KCNIP4: variants seen among roughly 807,000 people sequenced by gnomAD.
The protein encoded by KCNIP4 is Kv channel-interacting protein 4.
KCNIP4 carries 12 observed loss-of-function variants against 34.0 expected under a neutral mutation model. That is an observed-to-expected ratio of 0.35 (90% CI 0.23 to 0.57). The LOEUF is 0.57. Among genes scored for constraint, KCNIP4 ranks in the 20% least tolerant of loss-of-function variants. KCNIP4 has a pLI of 0.83. For synonymous variants in KCNIP4, 124 were observed against 102.2 expected (o/e 1.21, Z -1.29); for missense variants, 238 against 311.7 (o/e 0.76, Z 1.78).
chr4:20,729,872 C>G lies in KCNIP4; in HGVS notation c.*210G>C. ...CAGAGTATGAAATGAGTTAGACCAT[C>G]CCCTGAACTCAGTGGCATTATGAAA... On this transcript the variant is annotated 3_prime_UTR_variant, in exon 9 of 9. Transcript: ENST00000382152. 1 of 464,870 alleles carries G rather than the reference C, an allele frequency of 2.2e-6. No homozygotes were observed. The highest frequency in any genetic ancestry group is 3.4e-5 in the East Asian group (1 of 29,324). The allele number at this position is 464,870 out of a possible 1,614,324, so 28.8% of individuals were successfully genotyped here.
At chr4:21,658,946 T>G (rs1427909528) in intron 1 of KCNIP4, among the ~76,000 whole-genome samples, 2 of 152,212 alleles carry the variant, frequency 1.3e-5, no homozygotes, top group African/African-American at 4.8e-5. Context: ...AATTTTAAAG[T>G]CAGTTTGCCA....
At chr4:21,101,547 G>A (rs1747940488) in intron 1 of KCNIP4, among the ~76,000 whole-genome samples, 1 of 152,060 alleles carries the variant, frequency 6.6e-6, no homozygotes, top group Non-Finnish European at 1.5e-5. Context: ...ATCCAAAGAA[G>A]GGCAGATATG....
intron 3 of KCNIP4, among the ~76,000 whole-genome samples, chr4:20,801,062 C>A (rs971540244): frequency 2.0e-5 from 3 of 152,122 alleles, no homozygotes; most frequent in Non-Finnish European, 2.9e-5. Context: ...ACAAGGGAAT[C>A]TCCATTAGAA....
Position 21,329,928 on chromosome 4 carries a change from A to G in KCNIP4, c.62-447219T>C, listed in dbSNP as rs374995659. Among the ~76,000 whole-genome samples the G allele has an allele frequency of 4.4e-3, 666 of 152,318 alleles. 6 individuals are homozygous for G. The highest frequency in any genetic ancestry group is 0.015 in the African/African-American group (631 of 41,590). On this transcript the variant is annotated intron_variant, in intron 1 of 8. Coordinates refer to ENST00000382152, the MANE Select transcript of KCNIP4 (RefSeq NM_025221.6). Reference sequence around the variant, plus strand: ...TCTACCAGCTTGTCAGTATAAATTGAGATGAGCTCAAGGCCTCCTTAAGTA... The same window carrying G: ...TCTACCAGCTTGTCAGTATAAATTGGGATGAGCTCAAGGCCTCCTTAAGTA...
chr4:21,195,548 A>G (rs1156686650), intron 1 of KCNIP4, among the ~76,000 whole-genome samples: 1 of 152,230 alleles, frequency 6.6e-6, no homozygotes, highest in Non-Finnish European at 1.5e-5. Context: ...GTTTTATGCC[A>G]TTGGATCTTC....
At chr4:21,557,098 G>A (rs1739128550) in intron 1 of KCNIP4, among the ~76,000 whole-genome samples, 1 of 151,958 alleles carries the variant, frequency 6.6e-6, no homozygotes, top group African/African-American at 2.4e-5. Flanking sequence ...TTCCAGTAGT[G>A]GGTACCATGT....
intron 1 of KCNIP4, among the ~76,000 whole-genome samples, chr4:21,811,088 A>G (rs565656445): frequency 1.8e-4 from 27 of 152,334 alleles, no homozygotes; most frequent in African/African-American, 6.3e-4. Context: ...CATTTACCAC[A>G]TGCTTGACTT....
chr4:21,916,104 T>C (rs2108989230), intron 1 of KCNIP4, among the ~76,000 whole-genome samples: 1 of 152,348 alleles, frequency 6.6e-6, no homozygotes, highest in Admixed American at 6.5e-5. Flanking sequence ...CTTCTCATCC[T>C]CACTGGACCA....
intron 1 of KCNIP4, among the ~76,000 whole-genome samples, chr4:21,286,708 GT>G (rs1560254210): frequency 6.6e-6 from 1 of 152,106 alleles, no homozygotes; most frequent in African/African-American, 2.4e-5. Flanking sequence ...ATTTTCACAA[GT>G]TTTTCAGGAT....
chr4:20,879,963 ACT>A (rs915859089), intron 2 of KCNIP4, among the ~76,000 whole-genome samples: 7 of 152,266 alleles, frequency 4.6e-5, no homozygotes, highest in Admixed American at 3.3e-4. Flanking sequence ...AAAGAGGAAA[ACT>A]CTAAATATCC....
intron 1 of KCNIP4, among the ~76,000 whole-genome samples, chr4:21,366,854 C>T (rs1385326244): frequency 6.6e-6 from 1 of 152,010 alleles, no homozygotes; most frequent in Non-Finnish European, 1.5e-5. Context: ...GTCAATTATG[C>T]ACTAAAAATG....
At chr4:20,888,355 C>G (rs947644644) in intron 1 of KCNIP4, among the ~76,000 whole-genome samples, 1 of 152,116 alleles carries the variant, frequency 6.6e-6, no homozygotes, top group Non-Finnish European at 1.5e-5. Context: ...TGAAATCAGA[C>G]TATATATCTT....
chr4:21,107,175 T>G (rs1400259241), intron 1 of KCNIP4, among the ~76,000 whole-genome samples: 5 of 147,424 alleles, frequency 3.4e-5, no homozygotes, highest in African/African-American at 1.3e-4. Flanking sequence ...GTCTCATTGA[T>G]CTGTCTAATG....
chr4:21,823,407 T>A, intron 1 of KCNIP4, among the ~76,000 whole-genome samples: 1 of 151,954 alleles, frequency 6.6e-6, no homozygotes, highest in East Asian at 1.9e-4. Flanking sequence ...TATTATTCAA[T>A]TTTAAAAAAA....
At chr4:21,181,774 A>G (rs1754861022) in intron 1 of KCNIP4, among the ~76,000 whole-genome samples, 1 of 152,148 alleles carries the variant, frequency 6.6e-6, no homozygotes, top group African/African-American at 2.4e-5. Context: ...CCATTACTAC[A>G]GATACTGTAA....
intron 1 of KCNIP4, among the ~76,000 whole-genome samples, chr4:21,762,403 T>C (rs10014405): frequency 0.012 from 1,888 of 152,258 alleles, 31 homozygotes; most frequent in African/African-American, 0.042. Context: ...CAAAGAAGAT[T>C]AGAAATTGTT....
At chr4:20,735,941 T>A (rs981740871) in intron 5 of KCNIP4, among the ~76,000 whole-genome samples, 1 of 152,220 alleles carries the variant, frequency 6.6e-6, no homozygotes, top group Admixed American at 6.5e-5. Flanking sequence ...TCCAAAAGTC[T>A]TCTGGGTGAA....
At chr4:21,682,329 G>A (rs1750428429) in intron 1 of KCNIP4, among the ~76,000 whole-genome samples, 1 of 151,998 alleles carries the variant, frequency 6.6e-6, no homozygotes. Flanking sequence ...CCAACACTGG[G>A]GATTGTAACT....
intron 1 of KCNIP4, among the ~76,000 whole-genome samples, chr4:21,835,683 C>T (rs115739717): frequency 6.6e-6 from 1 of 151,896 alleles, no homozygotes; most frequent in East Asian, 1.9e-4. Flanking sequence ...TTTTCATACC[C>T]TATAGCCCAG....
Sources: gnomAD v4.1 joint callset for allele counts (sites outside exome capture counted in the v4.1 genomes callset) on GRCh38, gnomAD v4.1.1 for gene constraint, MANE v1.5 for transcripts, NCBI Gene and HGNC (gene_info 2026-07-23, HGNC 2026-07-21) for gene names.